Variants in HAUS2 observed in about 807,000 individuals in gnomAD.
HAUS2 encodes HAUS augmin like complex subunit 2.
HAUS2 carries 20 observed loss-of-function variants against 21.6 expected under a neutral mutation model. The observed-to-expected ratio is 0.93, with a 90% CI of 0.65 to 1.35. The LOEUF (loss-of-function observed/expected upper bound fraction) is 1.35, where lower values mean the gene tolerates loss of function less well. Ranked by LOEUF, HAUS2 falls within the 40% of genes most tolerant of loss-of-function variation. The pLI is 0.00. For missense variants in HAUS2, 297 were observed against 280.7 expected, an observed-to-expected ratio of 1.06 and a Z score of -0.42; for synonymous variants, 113 against 95.6, an observed-to-expected ratio of 1.18 and a Z score of -1.06.
chr15:42,566,537 T>A, intron 5 of HAUS2, 70 bp from the exon 6 acceptor site: 1 of 844,052 alleles, frequency 1.2e-6, no homozygotes, highest in Non-Finnish European at 2.0e-6. Flanking sequence ...ACCTTTGGTA[T>A]CAGTTACTGA....
intron 5 of HAUS2, among the ~76,000 whole-genome samples, chr15:42,564,898 C>T (rs1204971475): frequency 1.3e-5 from 2 of 152,212 alleles, no homozygotes; most frequent in Non-Finnish European, 2.9e-5. Flanking sequence ...TGCAATGGCA[C>T]AATCTCGGCT....
intron 4 of HAUS2, among the ~76,000 whole-genome samples, chr15:42,562,124 A>G (rs2057858692): frequency 6.6e-6 from 1 of 152,148 alleles, no homozygotes. Context: ...CTGTGATTGC[A>G]CTAGCCTGGG....
chr15:42,555,340 GGCTGGTCTCAAACTCCTGGGCTCAA>G (rs974156607), intron 1 of HAUS2, among the ~76,000 whole-genome samples: 12 of 152,082 alleles, frequency 7.9e-5, no homozygotes, highest in African/African-American at 2.7e-4. Flanking sequence ...GTGTTGTGCA[GGCTGGTCTCAAACTCCTGGGCTCAA>G]GCAGTTCTCC....
intron 5 of HAUS2, among the ~76,000 whole-genome samples, chr15:42,564,360 A>T (rs983859372): frequency 6.6e-6 from 1 of 151,570 alleles, no homozygotes; most frequent in Non-Finnish European, 1.5e-5. Context: ...TTTAGAAGCC[A>T]TTTTAAATTA....
At chr15:42,550,962 C>T (rs1344056677) in intron 1 of HAUS2, among the ~76,000 whole-genome samples, 1 of 150,972 alleles carries the variant, frequency 6.6e-6, no homozygotes, top group East Asian at 2.0e-4. Context: ...CCACTGCACC[C>T]GGCCCTCTCC....
chr15:42,564,357 G>A (rs1488508180), intron 5 of HAUS2, among the ~76,000 whole-genome samples: 1 of 150,798 alleles, frequency 6.6e-6, no homozygotes, highest in African/African-American at 2.4e-5. Flanking sequence ...TTATTTAGAA[G>A]CCATTTTAAA....
Position 42,561,295 on chromosome 15 carries a change from C to T in HAUS2, c.282C>T (p.Ser94=). Residue 94 remains serine (S), a synonymous_variant, in exon 4 of 6, where the codon AGC becomes AGT. Coordinates refer to ENST00000260372, the MANE Select transcript of HAUS2 (RefSeq NM_018097.3). ...CTCAGAAGTGTCATACTCTGCAAAGCATGAATAATCATTTGGAAGCAGTGC... is the reference window on the plus strand; with the variant it reads ...CTCAGAAGTGTCATACTCTGCAAAGTATGAATAATCATTTGGAAGCAGTGC... ...FLAQKCHTLQ[S]MNNHLEAVLK... The T allele has an allele frequency of 6.4e-7, 1 of 1,560,766 alleles. No homozygotes were observed. The highest frequency in any genetic ancestry group is 1.1e-5 in the South Asian group (1 of 89,972).
chr15:42,560,804 C>T lies in HAUS2; in HGVS notation c.257-466C>T, dbSNP rs778942268. 5 of 701,944 alleles carry T rather than the reference C, an allele frequency of 7.1e-6. No homozygotes were observed. The South Asian group carries it at 7.4e-5, about 10-fold the overall frequency. The allele number at this position is 701,944 out of a possible 1,614,324, so 43.5% of individuals were successfully genotyped here. On this transcript the variant is annotated intron_variant, in intron 3 of 5. Transcript: ENST00000260372. ...TAGAGATGAAGTCTTGCTATGTTGC[C>T]CAGGCTGGTCTCGAACTCATGGCCT...
intron 2 of HAUS2, 43 bp downstream of exon 2, chr15:42,558,333 T>A (rs750588471): frequency 7.9e-5 from 65 of 822,250 alleles, no homozygotes; most frequent in Non-Finnish European, 1.2e-4. Context: ...TTTTTTTTTT[T>A]TTTTTGAGAC....
chr15:42,559,405 T>G lies in HAUS2; in HGVS notation c.253T>G (p.Leu85Val), dbSNP rs1188563817. 1.3e-6 allele frequency: 2 copies of G among 1,589,256 alleles called. 1 individual carries two copies. The highest frequency in any genetic ancestry group is 1.7e-6 in the Non-Finnish European group (2 of 1,157,506). ...DTADVVHPFF[L>V]AQKCHTLQSM... Reference sequence around the variant, plus strand: ...AGCAGATGTTGTTCATCCTTTCTTTTTGGGTAAGTGGTTTGGTTAAGTGGA... The same window carrying G: ...AGCAGATGTTGTTCATCCTTTCTTTGTGGGTAAGTGGTTTGGTTAAGTGGA... The change falls in exon 3 of 6, where the codon TTG becomes GTG. Residue 85 changes from leucine to valine, a missense_variant. By Grantham distance (32) the Leu-to-Val change is conservative. Transcript: ENST00000260372.
At chr15:42,549,493 C>CTGGA in intron 1 of HAUS2, among the ~76,000 whole-genome samples, 1 of 151,956 alleles carries the variant, frequency 6.6e-6, no homozygotes, top group South Asian at 2.1e-4. Flanking sequence ...AACGCCCAGG[C>CTGGA]TGGAGTGCAG....
Position 42,558,215 on chromosome 15 carries a change from T to C in HAUS2, c.111T>C (p.Ser37=). Residue 37 remains serine (S), a synonymous_variant, in exon 2 of 6, where the codon TCT becomes TCC. Coordinates refer to ENST00000260372, the MANE Select transcript of HAUS2 (RefSeq NM_018097.3). The stretch of plus-strand genomic sequence containing the variant: ...ACCAATAGGAGATGTTAAACATGTC[T>C]AAGAAAACAGTTTCTTGTTTTGTGA... ...GMVNQEMLNM[S]KKTVSCFVNF... 6.8e-7 allele frequency: 1 copy of C among 1,478,918 alleles called. No individual in the cohort carries two copies. Among genetic ancestry groups the C allele is most frequent in the East Asian group, 2.3e-5 (1 of 44,026 alleles). 91.6% of individuals were successfully genotyped at this position (1,478,918 alleles called of 1,614,324 possible).
intron 1 of HAUS2, among the ~76,000 whole-genome samples, chr15:42,557,709 TTAAC>T (rs1193717465): frequency 9.2e-5 from 14 of 151,880 alleles, no homozygotes; most frequent in African/African-American, 3.1e-4. Context: ...AAATAATCCT[TTAAC>T]TAAAAGATGA....
chr15:42,549,606 C>T (rs537990749), intron 1 of HAUS2, among the ~76,000 whole-genome samples: 16 of 151,204 alleles, frequency 1.1e-4, no homozygotes, highest in Non-Finnish European at 2.2e-4. Flanking sequence ...ACCACCACAC[C>T]CAGCTAATTT....
chr15:42,558,314 CTTTTTTTTT>C (rs547363768), intron 2 of HAUS2, 24 bp downstream of exon 2: 16 of 375,858 alleles, frequency 4.3e-5, no homozygotes, highest in African/African-American at 1.3e-4. Context: ...TTTTCACTTT[CTTTTTTTTT>C]TTTTTTTTTT....
intron 4 of HAUS2, 27 bp downstream of exon 4, chr15:42,561,429 G>A (rs752290387): frequency 2.0e-6 from 3 of 1,510,180 alleles, no homozygotes; most frequent in Admixed American, 3.4e-5. Flanking sequence ...GAAATTAACA[G>A]TTACACCTGT....
chr15:42,566,096 G>A (rs2057903275), intron 5 of HAUS2, among the ~76,000 whole-genome samples: 1 of 152,056 alleles, frequency 6.6e-6, no homozygotes, highest in African/African-American at 2.4e-5. Context: ...CACCTACCTG[G>A]GAGGATGAGG....
chr15:42,549,478 G>A (rs943784504), intron 1 of HAUS2, among the ~76,000 whole-genome samples: 1 of 151,334 alleles, frequency 6.6e-6, no homozygotes, highest in Non-Finnish European at 1.5e-5. Context: ...ACAGAGTCTC[G>A]CTCTAACGCC....
intron 1 of HAUS2, among the ~76,000 whole-genome samples, chr15:42,552,467 AT>A (rs1447217601): frequency 3.3e-5 from 5 of 152,162 alleles, no homozygotes; most frequent in Admixed American, 2.0e-4. Flanking sequence ...GCTGGCAAGG[AT>A]TTTTTAAAAA....
Sources: gnomAD v4.1 joint callset for allele counts (sites outside exome capture counted in the v4.1 genomes callset) on GRCh38, gnomAD v4.1.1 for gene constraint, MANE v1.5 for transcripts, NCBI Gene and HGNC (gene_info 2026-07-23, HGNC 2026-07-21) for gene names.